The following JPH3 variants were observed in gnomAD, a reference collection of about 807,000 sequenced individuals.
JPH3 encodes the protein junctophilin 3.
Under a neutral mutation model 59.6 loss-of-function variants are expected in JPH3, and 11 were observed. That is an observed-to-expected ratio of 0.18 (90% CI 0.12 to 0.31). The LOEUF is 0.31. Among genes scored for constraint, JPH3 ranks in the 10% least tolerant of loss-of-function variants. JPH3 has a pLI of 1.00. For missense variants in JPH3, 1,202 were observed against 1,105.7 expected (o/e 1.09, Z -1.24); for synonymous variants, 673 against 483.6 (o/e 1.39, Z -5.14).
chr16:87,662,937 C>T (rs2032751856), intron 2 of JPH3, among the ~76,000 whole-genome samples: 1 of 152,176 alleles, frequency 6.6e-6, no homozygotes, highest in South Asian at 2.1e-4. Flanking sequence ...CCCTTCGGGG[C>T]TGCTGCTGCC....
chr16:87,682,566 A>T (rs1299744450), intron 2 of JPH3, among the ~76,000 whole-genome samples: 1 of 152,136 alleles, frequency 6.6e-6, no homozygotes, highest in African/African-American at 2.4e-5. Flanking sequence ...GCTGTCCAGG[A>T]CCCAGAAAGT....
intron 1 of JPH3, among the ~76,000 whole-genome samples, chr16:87,634,209 T>G (rs1286018296): frequency 6.6e-6 from 1 of 152,122 alleles, no homozygotes; most frequent in African/African-American, 2.4e-5. Context: ...GTTGGACCTG[T>G]GCCCAGGGTC....
chr16:87,621,130 G>C (rs1419268826), intron 1 of JPH3, among the ~76,000 whole-genome samples: 1 of 152,194 alleles, frequency 6.6e-6, no homozygotes, highest in South Asian at 2.1e-4. Flanking sequence ...CTGCACTCCA[G>C]CCTGGGCAAC....
At chr16:87,632,448 G>A (rs1187764245) in intron 1 of JPH3, among the ~76,000 whole-genome samples, 1 of 151,976 alleles carries the variant, frequency 6.6e-6, no homozygotes, top group Non-Finnish European at 1.5e-5. Flanking sequence ...CTTTTTCTTG[G>A]TTTGTCCTAA....
rs371703523 is a variant in JPH3 at position 87,644,719 on chromosome 16, G to A, written c.844G>A (p.Ala282Thr). Reference protein sequence around the residue: ...ELAVIEDDIDATTTETYVGEW... With the variant: ...ELAVIEDDIDTTTTETYVGEW... ...GGCGGTCATCGAGGACGACATCGACGCCACCACCACCGAGACCTACGTGGG... is the reference window on the plus strand; with the variant it reads ...GGCGGTCATCGAGGACGACATCGACACCACCACCACCGAGACCTACGTGGG... Residue 282 changes from alanine to threonine, a missense_variant, in exon 2 of 5, where the codon GCC becomes ACC. By Grantham distance (58) the Ala-to-Thr change is moderately conservative. Coordinates refer to ENST00000284262, the MANE Select transcript of JPH3 (RefSeq NM_020655.4). 2.8e-5 allele frequency: 45 copies of A among 1,609,348 alleles called. No homozygotes were observed. The highest frequency in any genetic ancestry group is 1.4e-4 in the African/African-American group (10 of 73,806).
intron 4 of JPH3, among the ~76,000 whole-genome samples, chr16:87,692,172 T>TACCTGGTGC (rs1002152136): frequency 2.3e-4 from 35 of 152,222 alleles, no homozygotes; most frequent in Admixed American, 7.2e-4. Flanking sequence ...CACCCTGGGG[T>TACCTGGTGC]ACCTGGTGCT....
At chr16:87,604,576 G>A (rs945300940) in intron 1 of JPH3, 1 of 1,236,018 alleles carries the variant, frequency 8.1e-7, no homozygotes. Context: ...TGGGAAGGGA[G>A]TGAGACGCAG....
At chr16:87,626,279 C>G (rs2031372429) in intron 1 of JPH3, among the ~76,000 whole-genome samples, 1 of 152,178 alleles carries the variant, frequency 6.6e-6, no homozygotes, top group South Asian at 2.1e-4. Flanking sequence ...GGTTGCTTAA[C>G]TACCCCAGGC....
intron 1 of JPH3, among the ~76,000 whole-genome samples, chr16:87,632,986 G>C (rs2031613192): frequency 6.6e-6 from 1 of 152,092 alleles, no homozygotes; most frequent in Admixed American, 6.5e-5. Flanking sequence ...TTCTGCCTCA[G>C]CCTCCCAAAG....
intron 2 of JPH3, among the ~76,000 whole-genome samples, chr16:87,664,196 TG>T (rs2032790075): frequency 6.6e-6 from 1 of 151,912 alleles, no homozygotes; most frequent in South Asian, 2.1e-4. Flanking sequence ...CTGGGCGTGG[TG>T]GAAGGCGCCT....
At chr16:87,669,802 G>A (rs760349875) in intron 2 of JPH3, among the ~76,000 whole-genome samples, 3 of 152,160 alleles carry the variant, frequency 2.0e-5, no homozygotes, top group African/African-American at 7.2e-5. Flanking sequence ...ACGTGAGTGC[G>A]GCCTGCAGGC....
chr16:87,653,122 C>G (rs1025424758), intron 2 of JPH3, among the ~76,000 whole-genome samples: 17 of 152,216 alleles, frequency 1.1e-4, no homozygotes, highest in African/African-American at 4.1e-4. Context: ...TGTTCCTCCT[C>G]TCACATTCTT....
chr16:87,634,007 C>A (rs1431192651), intron 1 of JPH3, among the ~76,000 whole-genome samples: 1 of 152,114 alleles, frequency 6.6e-6, no homozygotes, highest in Non-Finnish European at 1.5e-5. Context: ...GAATACCTTG[C>A]GGCATAGGAT....
chr16:87,617,010 A>C (rs1038348091), intron 1 of JPH3, among the ~76,000 whole-genome samples: 1 of 152,152 alleles, frequency 6.6e-6, no homozygotes, highest in Admixed American at 6.5e-5. Flanking sequence ...GGGTCACCTG[A>C]GGTCAGGAGT....
At chr16:87,670,219 G>A (rs990493070) in intron 2 of JPH3, among the ~76,000 whole-genome samples, 2 of 152,170 alleles carry the variant, frequency 1.3e-5, no homozygotes, top group Non-Finnish European at 2.9e-5. Context: ...GGGGGTCTGT[G>A]GGGAGTCAGC....
chr16:87,653,050 C>T lies in JPH3; in HGVS notation c.1160+8015C>T, dbSNP rs112363664. The stretch of plus-strand genomic sequence containing the variant: ...TGCTGAGGAGGGCAGTGCGTGGTCT[C>T]CAAGCCAGTCAGTGCCTGCGGGGGG... On this transcript the variant is annotated intron_variant, in intron 2 of 4. Transcript: ENST00000284262. 6.6e-5 allele frequency among the ~76,000 whole-genome samples: 10 copies of T among 152,078 alleles called. 1 individual carries two copies. The highest frequency in any genetic ancestry group is 2.4e-4 in the African/African-American group (10 of 41,356).
At position 87,670,037 on chromosome 16, in the gene JPH3, C is replaced by T. The variant is rs149662603; in HGVS notation, c.1161-14105C>T. 4.6e-5 allele frequency among the ~76,000 whole-genome samples: 7 copies of T among 152,248 alleles called. No homozygotes were observed. The East Asian group carries it at 1.4e-3, about 29-fold the overall frequency. ...GGAGCTCTGCCTTCATCCTTCCATT[C>T]ACAGGTAGGGACACAGGCGTGGGGA... On this transcript the variant is annotated intron_variant, in intron 2 of 4. Transcript: ENST00000284262.
chr16:87,637,854 C>G (rs374378291), intron 1 of JPH3, among the ~76,000 whole-genome samples: 1 of 152,052 alleles, frequency 6.6e-6, no homozygotes, highest in African/African-American at 2.4e-5. Flanking sequence ...TGACCAGCAC[C>G]CCGTGCGGGG....
At chr16:87,651,912 A>G (rs529792001) in intron 2 of JPH3, among the ~76,000 whole-genome samples, 111 of 152,342 alleles carry the variant, frequency 7.3e-4, no homozygotes, top group African/African-American at 2.6e-3. Flanking sequence ...ATAGCATCAC[A>G]TGCTACAGAG....
Sources: gnomAD v4.1 joint callset for allele counts (sites outside exome capture counted in the v4.1 genomes callset) on GRCh38, gnomAD v4.1.1 for gene constraint, MANE v1.5 for transcripts, NCBI Gene and HGNC (gene_info 2026-07-23, HGNC 2026-07-21) for gene names.